Variants in KIF16B observed in about 807,000 individuals in gnomAD.
KIF16B encodes kinesin family member 16B.
A neutral mutation model predicts 156.3 loss-of-function variants in KIF16B; 98 were observed. The observed-to-expected ratio is 0.63, with a 90% CI of 0.53 to 0.74. The LOEUF (loss-of-function observed/expected upper bound fraction) is 0.74. Among genes scored for constraint, KIF16B ranks in the 30% least tolerant of loss-of-function variants. The pLI, the probability that KIF16B is intolerant of heterozygous loss-of-function variation, is 0.00. For missense variants in KIF16B, 1,421 were observed against 1,606.5 expected, an observed-to-expected ratio of 0.88 and a Z score of 1.97; for synonymous variants, 564 against 583.7, an observed-to-expected ratio of 0.97 and a Z score of 0.49.
chr20:16,400,307 AT>A (rs1278811091), intron 17 of KIF16B, among the ~76,000 whole-genome samples: 1 of 152,254 alleles, frequency 6.6e-6, no homozygotes, highest in Non-Finnish European at 1.5e-5. Context: ...AAAGAATACA[AT>A]AAGATACTGC....
intron 25 of KIF16B, among the ~76,000 whole-genome samples, chr20:16,302,154 T>C (rs1370675533): frequency 6.6e-6 from 1 of 152,242 alleles, no homozygotes; most frequent in South Asian, 2.1e-4. Context: ...TTATTTATTT[T>C]ATGAATCATG....
chr20:16,295,915 G>A (rs1409129614), intron 25 of KIF16B, among the ~76,000 whole-genome samples: 1 of 152,202 alleles, frequency 6.6e-6, no homozygotes, highest in Non-Finnish European at 1.5e-5. Context: ...GGCATCACTG[G>A]AAGGTAGTCA....
Position 16,359,975 on chromosome 20 carries a change from T to A in KIF16B, c.3499-3523A>T, listed in dbSNP as rs1379695222. Among the ~76,000 whole-genome samples the A allele has an allele frequency of 3.3e-5, 5 of 152,182 alleles. No individual in the cohort carries two copies. The East Asian group carries it at 9.6e-4, about 29-fold the overall frequency. On this transcript the variant is annotated intron_variant, in intron 22 of 25. Coordinates refer to ENST00000354981, the MANE Select transcript of KIF16B (RefSeq NM_024704.5). ...TCCCCACTATCATCCTTGGCTACAGTTTACTTCAATCTTACTGATTTCATA... is the reference window on the plus strand; with the variant it reads ...TCCCCACTATCATCCTTGGCTACAGATTACTTCAATCTTACTGATTTCATA...
At chr20:16,371,850 G>A in intron 20 of KIF16B, 89 bp from the exon 21 acceptor site, 1 of 828,592 alleles carries the variant, frequency 1.2e-6, no homozygotes, top group East Asian at 2.5e-5. Context: ...CTTCACAACA[G>A]GGAGCAATCT....
At chr20:16,414,020 G>A (rs760766886) in intron 15 of KIF16B, among the ~76,000 whole-genome samples, 8 of 151,996 alleles carry the variant, frequency 5.3e-5, no homozygotes, top group African/African-American at 4.8e-5. Flanking sequence ...AAGTTATGAT[G>A]ATGATACCAT....
intron 25 of KIF16B, among the ~76,000 whole-genome samples, chr20:16,295,552 T>C (rs1322688556): frequency 6.7e-6 from 1 of 150,214 alleles, no homozygotes; most frequent in African/African-American, 2.4e-5. Context: ...AATTATATCT[T>C]ATTATACTAT....
At chr20:16,486,072 C>T (rs1034486675) in intron 12 of KIF16B, among the ~76,000 whole-genome samples, 2 of 152,004 alleles carry the variant, frequency 1.3e-5, no homozygotes, top group African/African-American at 2.4e-5. Context: ...GTATTTTAGG[C>T]CCGTTTTGTT....
chr20:16,461,934 G>A (rs527709558), intron 12 of KIF16B, among the ~76,000 whole-genome samples: 1 of 152,256 alleles, frequency 6.6e-6, no homozygotes, highest in Admixed American at 6.5e-5. Context: ...ATTCAGCATG[G>A]CTAGTTTTAA....
chr20:16,494,166 T>A lies in KIF16B; in HGVS notation c.1302+125A>T, dbSNP rs919436292. On this transcript the variant is annotated intron_variant, in intron 12 of 25. Transcript: ENST00000354981. ...ACTCCCATCCCATGAAAGTCACTAA[T>A]TGGTTCCAGTGATCTTACCTTAACA... The A allele has an allele frequency of 1.1e-5, 7 of 632,318 alleles. No homozygotes were observed. The African/African-American group carries it at 1.1e-4, about 10-fold the overall frequency. The allele number at this position is 632,318 out of a possible 1,614,324, so 39.2% of individuals were successfully genotyped here.
At chr20:16,284,540 T>C (rs2063194524) in intron 25 of KIF16B, among the ~76,000 whole-genome samples, 1 of 152,158 alleles carries the variant, frequency 6.6e-6, no homozygotes, top group African/African-American at 2.4e-5. Flanking sequence ...ACTTCAAATC[T>C]CCGCTTCCTC....
chr20:16,470,303 A>C (rs1253465567), intron 12 of KIF16B, among the ~76,000 whole-genome samples: 2 of 152,212 alleles, frequency 1.3e-5, no homozygotes. Flanking sequence ...ACTGTACAAC[A>C]CCAAGAGTGA....
At chr20:16,473,956 C>A (rs1411614037) in intron 12 of KIF16B, among the ~76,000 whole-genome samples, 1 of 152,122 alleles carries the variant, frequency 6.6e-6, no homozygotes, top group Non-Finnish European at 1.5e-5. Context: ...GGAAATTAAG[C>A]TCTGACATGA....
intron 25 of KIF16B, among the ~76,000 whole-genome samples, chr20:16,291,391 A>G (rs1375703169): frequency 6.6e-6 from 1 of 152,242 alleles, no homozygotes; most frequent in Non-Finnish European, 1.5e-5. Context: ...GCAGCTGATT[A>G]AACATGCGCT....
At chr20:16,369,395 G>A (rs2064760864) in intron 22 of KIF16B, 1 of 616,014 alleles carries the variant, frequency 1.6e-6, no homozygotes, top group Admixed American at 6.3e-5. Context: ...AAAAGTCTAA[G>A]CCATTTGTAT....
chr20:16,525,232 C>T (rs896530195), intron 3 of KIF16B, among the ~76,000 whole-genome samples: 2 of 152,052 alleles, frequency 1.3e-5, no homozygotes, highest in African/African-American at 4.8e-5. Flanking sequence ...TTTCGAGATG[C>T]CATTGCATGG....
chr20:16,523,257 C>T (rs1384762817), intron 3 of KIF16B, among the ~76,000 whole-genome samples: 1 of 152,114 alleles, frequency 6.6e-6, no homozygotes, highest in African/African-American at 2.4e-5. Context: ...CTCTGTTTCA[C>T]ATGACATGAT....
intron 2 of KIF16B, among the ~76,000 whole-genome samples, chr20:16,527,504 G>A (rs2069590365): frequency 6.6e-6 from 1 of 152,206 alleles, no homozygotes; most frequent in African/African-American, 2.4e-5. Context: ...AGACCTAAAA[G>A]TTAATGACAA....
intron 12 of KIF16B, among the ~76,000 whole-genome samples, chr20:16,471,497 A>G (rs1429256503): frequency 2.6e-5 from 4 of 152,196 alleles, no homozygotes; most frequent in Non-Finnish European, 5.9e-5. Flanking sequence ...CACAATTTGA[A>G]TCTGCCTCAC....
chr20:16,435,914 C>A (rs2066629763), intron 12 of KIF16B, among the ~76,000 whole-genome samples: 1 of 152,138 alleles, frequency 6.6e-6, no homozygotes, highest in South Asian at 2.1e-4. Flanking sequence ...CTTTTTATTA[C>A]CATCTTGCTT....
Sources: allele counts gnomAD v4.1 joint callset (sites outside exome capture counted in the v4.1 genomes callset), GRCh38; gene constraint gnomAD v4.1.1; transcripts MANE v1.5; gene names NCBI Gene and HGNC (gene_info 2026-07-23, HGNC 2026-07-21).